SLC2A9: variants seen among roughly 807,000 people sequenced by gnomAD.
The protein encoded by SLC2A9 is solute carrier family 2, facilitated glucose transporter member 9.
Under a neutral mutation model 50.6 loss-of-function variants are expected in SLC2A9, and 39 were observed. That is an observed-to-expected ratio of 0.77 (90% CI 0.60 to 1.01). The LOEUF (loss-of-function observed/expected upper bound fraction) is 1.01, where lower values mean the gene tolerates loss of function less well. SLC2A9 is among the 50% of genes least tolerant of loss of function. The pLI, the probability that SLC2A9 is intolerant of heterozygous loss-of-function variation, is 0.00. For synonymous variants in SLC2A9, 324 were observed against 276.9 expected (o/e 1.17, Z -1.69); for missense variants, 686 against 677.6 (o/e 1.01, Z -0.14).
chr4:10,029,417 C>A (rs1338597813), intron 1 of SLC2A9: 2 of 152,126 alleles, frequency 1.3e-5, no homozygotes, highest in African/African-American at 4.8e-5. Flanking sequence ...CTTTAGGTAG[C>A]CTTAGCTATC....
At chr4:10,027,121 T>C (rs1044618773) in intron 1 of SLC2A9, among the ~76,000 whole-genome samples, 1 of 151,886 alleles carries the variant, frequency 6.6e-6, no homozygotes, top group African/African-American at 2.4e-5. Context: ...ATGTCCAGAA[T>C]TGGCAAATCC....
chr4:9,961,172 C>T (rs1752211074), intron 5 of SLC2A9, among the ~76,000 whole-genome samples: 1 of 152,156 alleles, frequency 6.6e-6, no homozygotes, highest in Admixed American at 6.5e-5. Context: ...AGAGCAATTT[C>T]CGTCATGCTA....
At chr4:9,954,311 C>T (rs746509134) in intron 5 of SLC2A9, among the ~76,000 whole-genome samples, 5 of 152,262 alleles carry the variant, frequency 3.3e-5, no homozygotes, top group African/African-American at 1.2e-4. Context: ...AGGGCCTGGC[C>T]ACAGACATGG....
chr4:9,934,442 C>T (rs2110202802), intron 6 of SLC2A9, among the ~76,000 whole-genome samples: 1 of 152,244 alleles, frequency 6.6e-6, no homozygotes, highest in South Asian at 2.1e-4. Flanking sequence ...CAGCTATGTC[C>T]CTAAGACACT....
chr4:9,836,302 T>TA (rs1727097955), intron 10 of SLC2A9, among the ~76,000 whole-genome samples: 1 of 139,694 alleles, frequency 7.2e-6, no homozygotes, highest in African/African-American at 2.7e-5. Context: ...CCTATGGAAA[T>TA]AAAAAAATAA....
At chr4:10,001,704 T>C (rs565018516) in intron 2 of SLC2A9, among the ~76,000 whole-genome samples, 1 of 152,342 alleles carries the variant, frequency 6.6e-6, no homozygotes, top group Admixed American at 6.5e-5. Context: ...GCCTTCAGAA[T>C]GGCCACTATG....
intron 2 of SLC2A9, among the ~76,000 whole-genome samples, chr4:10,012,055 T>A (rs1191386643): frequency 6.6e-6 from 1 of 152,240 alleles, no homozygotes; most frequent in Non-Finnish European, 1.5e-5. Context: ...CATTTACATA[T>A]CATCTATAAC....
chr4:9,886,678 G>T (rs1015525437), intron 10 of SLC2A9, among the ~76,000 whole-genome samples: 10 of 152,094 alleles, frequency 6.6e-5, no homozygotes, highest in Admixed American at 4.6e-4. Flanking sequence ...TGTTCTGATA[G>T]AAACTTACTG....
chr4:9,862,689 T>A (rs777921171), intron 10 of SLC2A9, among the ~76,000 whole-genome samples: 1 of 152,006 alleles, frequency 6.6e-6, no homozygotes, highest in Non-Finnish European at 1.5e-5. Context: ...AAGTCCTGCC[T>A]GCAGCGCTAG....
intron 10 of SLC2A9, among the ~76,000 whole-genome samples, chr4:9,860,462 T>C (rs768493596): frequency 1.3e-5 from 2 of 152,174 alleles, no homozygotes; most frequent in Non-Finnish European, 2.9e-5. Context: ...AACAGGAGTA[T>C]TTAGAAATGA....
chr4:9,811,336 A>T (rs893995422), intron 3 of SLC2A9, among the ~76,000 whole-genome samples: 1 of 152,198 alleles, frequency 6.6e-6, no homozygotes, highest in Non-Finnish European at 1.5e-5. Context: ...GGCTGGTCCC[A>T]TGACTTGGTT....
At chr4:9,827,245 G>A (rs1725297082) in intron 11 of SLC2A9, among the ~76,000 whole-genome samples, 1 of 152,214 alleles carries the variant, frequency 6.6e-6, no homozygotes, top group South Asian at 2.1e-4. Context: ...AGTCACCTCT[G>A]TAGCTCCTGT....
rs116348943 is a variant in SLC2A9, at chr4:9,850,994, C to T, written c.1292-15986G>A. Among the ~76,000 whole-genome samples the T allele has an allele frequency of 3.8e-3, 580 of 152,036 alleles. 7 individuals carry two copies. Among genetic ancestry groups the T allele is most frequent in the African/African-American group, 0.014 (564 of 41,456 alleles). ...CCCCACCCCCACCAGTGTCCCACCCCTGCTGTGCTGCTGCCATTCATCACT... is the reference window on the plus strand; with the variant it reads ...CCCCACCCCCACCAGTGTCCCACCCTTGCTGTGCTGCTGCCATTCATCACT... On this transcript the variant is annotated intron_variant, in intron 10 of 11. Transcript: ENST00000264784.
chr4:9,873,239 T>C (rs1733744731), intron 10 of SLC2A9, among the ~76,000 whole-genome samples: 3 of 152,182 alleles, frequency 2.0e-5, no homozygotes, highest in Admixed American at 2.0e-4. Flanking sequence ...GTGTGTTTGC[T>C]CCTCCACTGC....
intron 9 of SLC2A9, 77 bp from the exon 10 acceptor site, chr4:9,887,719 C>A: frequency 8.3e-7 from 1 of 1,209,792 alleles, no homozygotes; most frequent in South Asian, 1.8e-5. Flanking sequence ...CCCAGCTCCT[C>A]CTCCATCCAT....
chr4:9,935,793 C>A (rs917078804), intron 6 of SLC2A9, among the ~76,000 whole-genome samples: 8 of 152,286 alleles, frequency 5.3e-5, no homozygotes, highest in African/African-American at 1.9e-4. Context: ...CCTGATGGGT[C>A]CCAGGACCTC....
At chr4:9,965,468 A>G (rs1483789333) in intron 5 of SLC2A9, among the ~76,000 whole-genome samples, 3 of 152,238 alleles carry the variant, frequency 2.0e-5, no homozygotes, top group South Asian at 2.1e-4. Context: ...TAAAATGGTA[A>G]GTGCTAAGAA....
chr4:9,804,161 A>G (rs1296166528), intron 3 of SLC2A9, among the ~76,000 whole-genome samples: 1 of 152,210 alleles, frequency 6.6e-6, no homozygotes, highest in Non-Finnish European at 1.5e-5. Flanking sequence ...TCTGTGTATG[A>G]GGAGAAGAAA....
intron 3 of SLC2A9, among the ~76,000 whole-genome samples, chr4:9,781,369 C>G (rs1718334343): frequency 6.6e-6 from 1 of 152,260 alleles, no homozygotes; most frequent in Non-Finnish European, 1.5e-5. Flanking sequence ...CTTACCCCAC[C>G]TCTTGTTCCC....
Sources: allele counts gnomAD v4.1 joint callset (sites outside exome capture counted in the v4.1 genomes callset), GRCh38; gene constraint gnomAD v4.1.1; transcripts MANE v1.5; gene names NCBI Gene and HGNC (gene_info 2026-07-23, HGNC 2026-07-21).